The following TET2 variants were observed in gnomAD, a reference collection of about 807,000 sequenced individuals.
TET2 encodes methylcytosine dioxygenase TET2.
In TET2, 299 loss-of-function variants were observed where a neutral mutation model predicts 142.9. The observed-to-expected ratio is 2.09, with a 90% confidence interval of 1.90 to 2.30. The LOEUF (loss-of-function observed/expected upper bound fraction) is 2.30. TET2 is among the 30% of genes most tolerant of loss of function. The probability of loss-of-function intolerance (pLI) is 0.00; values close to 1 mark genes in which losing one functional copy is unlikely to be tolerated. For synonymous variants in TET2, 819 were observed against 849.0 expected (o/e 0.96, Z 0.61); for missense variants, 2,418 against 2,378.0 (o/e 1.02, Z -0.35).
chr4:105,224,957 A>C (rs1177207733), intron 2 of TET2, among the ~76,000 whole-genome samples: 2 of 152,176 alleles, frequency 1.3e-5, no homozygotes, highest in African/African-American at 2.4e-5. Context: ...ATAGACATAC[A>C]TAATATGACT....
At chr4:105,271,517 T>C (rs377094659) in intron 9 of TET2, among the ~76,000 whole-genome samples, 32 of 152,098 alleles carry the variant, frequency 2.1e-4, no homozygotes, top group African/African-American at 6.8e-4. Flanking sequence ...AAGAACTGAA[T>C]AGGGTTAAAT....
At chr4:105,209,126 A>G (rs573355324) in intron 2 of TET2, among the ~76,000 whole-genome samples, 3 of 136,756 alleles carry the variant, frequency 2.2e-5, no homozygotes, top group African/African-American at 7.8e-5. Context: ...TTCTAGCAAA[A>G]CTGAATACAC....
chr4:105,255,843 G>A (rs147730245), intron 6 of TET2, among the ~76,000 whole-genome samples: 10 of 151,958 alleles, frequency 6.6e-5, no homozygotes, highest in African/African-American at 2.4e-4. Context: ...CATTTTGTCT[G>A]TATCTTGTCT....
chr4:105,178,606 G>T (rs1724940824), intron 1 of TET2, among the ~76,000 whole-genome samples: 1 of 152,156 alleles, frequency 6.6e-6, no homozygotes, highest in African/African-American at 2.4e-5. Context: ...TTTATCAGTT[G>T]TAACAAATAT....
rs548904553 is a variant in TET2, at chr4:105,270,780, C to A, written c.4182+1033C>A. On this transcript the variant is annotated intron_variant, in intron 9 of 10. Coordinates refer to ENST00000380013, the MANE Select transcript of TET2 (RefSeq NM_001127208.3). Reference sequence around the variant, plus strand: ...GAGTAGAGATAAAGAACAAAATATTCTGTTGAAAAAACTATGAATCAATCA... The same window carrying A: ...GAGTAGAGATAAAGAACAAAATATTATGTTGAAAAAACTATGAATCAATCA... 6.6e-5 allele frequency among the ~76,000 whole-genome samples: 10 copies of A among 151,972 alleles called. No individual in the cohort carries two copies. The South Asian group carries it at 2.1e-3, about 32-fold the overall frequency.
Position 105,237,318 on chromosome 4 carries a change from ACT to A in TET2, c.3378_3379del (p.Gln1127IlefsTer2). ...AAATTTATTGGATACACCTGTCAAG[ACT>A]CAATATGATTTCCCATCTTGCAGAT... The part of the protein sequence containing the change: ...IKNLLDTPVK[T>X]QYDFPSCRCV... On this transcript the variant is annotated frameshift_variant, in exon 3 of 11. Transcript: ENST00000380013. LOFTEE classifies it high-confidence loss of function. The A allele has an allele frequency of 1.2e-6, 2 of 1,614,126 alleles. No individual in the cohort carries two copies. Among genetic ancestry groups the A allele is most frequent in the Non-Finnish European group, 8.5e-7 (1 of 1,179,992 alleles).
intron 1 of TET2, among the ~76,000 whole-genome samples, chr4:105,181,576 A>C (rs936943858): frequency 1.3e-5 from 2 of 152,208 alleles, no homozygotes; most frequent in African/African-American, 4.8e-5. Context: ...AAATGGTTTA[A>C]AACTTCTTTA....
At chr4:105,260,299 G>C (rs916205201) in intron 7 of TET2, among the ~76,000 whole-genome samples, 1 of 152,066 alleles carries the variant, frequency 6.6e-6, no homozygotes, top group Admixed American at 6.6e-5. Context: ...CTTGTCTGTA[G>C]AATACGTATT....
intron 6 of TET2, 122 bp from the exon 7 acceptor site, chr4:105,259,497 T>C: frequency 1.1e-6 from 1 of 927,158 alleles, no homozygotes; most frequent in Non-Finnish European, 1.6e-6. Context: ...ATGCCACAGC[T>C]TAATACAGAG....
chr4:105,200,812 C>CT (rs1726417994), intron 2 of TET2, among the ~76,000 whole-genome samples: 1 of 151,996 alleles, frequency 6.6e-6, no homozygotes, highest in African/African-American at 2.4e-5. Context: ...AGGCACACAC[C>CT]ACCATGCCCA....
intron 1 of TET2, among the ~76,000 whole-genome samples, chr4:105,168,044 C>G (rs1188478256): frequency 6.6e-6 from 1 of 152,190 alleles, no homozygotes; most frequent in Non-Finnish European, 1.5e-5. Flanking sequence ...CATCTCCATT[C>G]AAACCACCTT....
intron 1 of TET2, among the ~76,000 whole-genome samples, chr4:105,185,814 TTTA>T (rs1326315702): frequency 2.0e-5 from 3 of 151,930 alleles, no homozygotes; most frequent in Admixed American, 6.6e-5. Context: ...CAGTGAATAG[TTTA>T]TAAAGATAAA....
chr4:105,274,183 T>C (rs747852072), intron 10 of TET2, among the ~76,000 whole-genome samples: 12 of 152,246 alleles, frequency 7.9e-5, no homozygotes, highest in Non-Finnish European at 1.5e-4. Flanking sequence ...TCTGCTCCCT[T>C]TTAACTGGCT....
intron 2 of TET2, among the ~76,000 whole-genome samples, chr4:105,193,967 AT>A (rs892323392): frequency 1.8e-4 from 27 of 152,114 alleles, no homozygotes; most frequent in Non-Finnish European, 4.0e-4. Flanking sequence ...AAAATTATTG[AT>A]TTGGAACCAT....
intron 3 of TET2, chr4:105,239,320 A>G (rs1390822430): frequency 4.2e-6 from 1 of 240,068 alleles, no homozygotes; most frequent in Non-Finnish European, 8.8e-6. Context: ...CTTTGAAGCA[A>G]GGCATTGACT....
intron 6 of TET2, among the ~76,000 whole-genome samples, chr4:105,259,295 G>C (rs1459666551): frequency 6.6e-6 from 1 of 152,172 alleles, no homozygotes; most frequent in Non-Finnish European, 1.5e-5. Flanking sequence ...TAGGGAGACA[G>C]ACAGTGAGTG....
chr4:105,194,952 T>C lies in TET2; in HGVS notation c.-47+4447T>C, dbSNP rs1303469657. 3.3e-5 allele frequency among the ~76,000 whole-genome samples: 5 copies of C among 152,304 alleles called. No homozygotes were observed. In the South Asian group the frequency reaches 8.3e-4, roughly 25 times the overall value. On this transcript the variant is annotated intron_variant, in intron 2 of 10. Transcript: ENST00000380013. ...ATATTAAGGCCCAGAGTGGTATCAG[T>C]AGTCTCTGTGTCCCAAGAGACTGAA... is the stretch of plus-strand genomic sequence containing the variant.
chr4:105,252,378 T>C (rs1729913757), intron 6 of TET2, among the ~76,000 whole-genome samples: 1 of 152,216 alleles, frequency 6.6e-6, no homozygotes, highest in South Asian at 2.1e-4. Context: ...TTGAATAATA[T>C]TCCATTGTCT....
chr4:105,243,534 T>C, intron 5 of TET2, 36 bp from the exon 6 acceptor site: 1 of 1,536,016 alleles, frequency 6.5e-7, no homozygotes, highest in African/African-American at 1.4e-5. Context: ...TTGGTTGGGG[T>C]GGGGGGTGTT....
Sources: gnomAD v4.1 joint callset for allele counts (sites outside exome capture counted in the v4.1 genomes callset) on GRCh38, gnomAD v4.1.1 for gene constraint, MANE v1.5 for transcripts, NCBI Gene and HGNC (gene_info 2026-07-23, HGNC 2026-07-21) for gene names.